TBL1XR1: variants seen among roughly 807,000 people sequenced by gnomAD.
TBL1XR1 encodes TBL1X/Y related 1, also known as F-box-like/WD repeat-containing protein TBL1XR1.
In TBL1XR1, 5 loss-of-function variants were observed where a neutral mutation model predicts 66.9. That is an observed-to-expected ratio of 0.07 (90% CI 0.04 to 0.16). The LOEUF is 0.16. TBL1XR1 is among the 10% of genes least tolerant of loss of function. The pLI is 1.00. For missense variants in TBL1XR1, 238 were observed against 623.2 expected, an observed-to-expected ratio of 0.38 and a Z score of 6.58; for synonymous variants, 210 against 206.0, an observed-to-expected ratio of 1.02 and a Z score of -0.17.
At chr3:177,047,451 C>G (rs759510648) in intron 8 of TBL1XR1, 35 bp downstream of exon 8, 1 of 1,608,336 alleles carries the variant, frequency 6.2e-7, no homozygotes, top group East Asian at 2.2e-5. Context: ...ATCTTTAGAT[C>G]AACAACAAAG....
At chr3:177,189,511 C>T (rs1021486593) in intron 1 of TBL1XR1, among the ~76,000 whole-genome samples, 2 of 151,788 alleles carry the variant, frequency 1.3e-5, no homozygotes, top group East Asian at 1.9e-4. Context: ...AAAAATTAGC[C>T]AGGCGTGGTG....
intron 1 of TBL1XR1, chr3:177,099,407 T>C (rs762476402): frequency 3.3e-5 from 5 of 152,246 alleles, no homozygotes; most frequent in South Asian, 2.1e-4. Context: ...TCACATACCA[T>C]GTCAGAGGAG....
intron 1 of TBL1XR1, among the ~76,000 whole-genome samples, chr3:177,108,429 C>T (rs1053044094): frequency 1.3e-5 from 2 of 152,156 alleles, no homozygotes; most frequent in African/African-American, 4.8e-5. Context: ...AAAAACTCAG[C>T]TCTTTCACAT....
intron 1 of TBL1XR1, among the ~76,000 whole-genome samples, chr3:177,173,938 T>C (rs2108938535): frequency 6.6e-6 from 1 of 152,328 alleles, no homozygotes; most frequent in East Asian, 1.9e-4. Flanking sequence ...TCAAAGAAAT[T>C]CTAATGACTT....
At chr3:177,193,480 T>A (rs1736428781) in intron 1 of TBL1XR1, among the ~76,000 whole-genome samples, 1 of 152,040 alleles carries the variant, frequency 6.6e-6, no homozygotes, top group Admixed American at 6.5e-5. Context: ...CCAGCTAATT[T>A]GTGTATTTTT....
intron 1 of TBL1XR1, among the ~76,000 whole-genome samples, chr3:177,161,495 C>A (rs183884289): frequency 6.6e-6 from 1 of 152,084 alleles, no homozygotes; most frequent in Non-Finnish European, 1.5e-5. Context: ...ATAAAAGGCA[C>A]TAATTGGCCA....
intron 1 of TBL1XR1, among the ~76,000 whole-genome samples, chr3:177,139,693 T>C (rs1484139334): frequency 6.7e-6 from 1 of 150,246 alleles, no homozygotes; most frequent in Non-Finnish European, 1.5e-5. Context: ...AAAAGAAAAT[T>C]TGACAATCTA....
intron 1 of TBL1XR1, among the ~76,000 whole-genome samples, chr3:177,104,129 A>AACAGAGAG: frequency 7.1e-6 from 1 of 141,240 alleles, no homozygotes; most frequent in Non-Finnish European, 1.5e-5. Context: ...AAAAAAAAAA[A>AACAGAGAG]AGAGAGAGAG....
chr3:177,131,315 C>G lies in TBL1XR1; in HGVS notation c.-121-32774G>C, dbSNP rs1384346126. ...ATCATAAAGACCCTTAAGAGAGAGT[C>G]CAGGAAAAATAAAGAAATAGCAAGA... On this transcript the variant is annotated intron_variant, in intron 1 of 15. Coordinates refer to ENST00000457928, the MANE Select transcript of TBL1XR1 (RefSeq NM_024665.7). 5.1e-6 allele frequency: 5 copies of G among 984,694 alleles called. No homozygotes were observed. The Admixed American group carries it at 1.8e-4, about 36-fold the overall frequency. 61.0% of individuals were successfully genotyped at this position (984,694 alleles called of 1,614,324 possible). A position where few individuals can be genotyped will look rare whatever the true frequency, so the allele number is the denominator to read the frequency against.
chr3:177,189,613 T>C (rs997576537), intron 1 of TBL1XR1, among the ~76,000 whole-genome samples: 1 of 134,832 alleles, frequency 7.4e-6, no homozygotes, highest in South Asian at 2.2e-4. Context: ...GGAGATCACA[T>C]CCAGCCAGTC....
intron 1 of TBL1XR1, among the ~76,000 whole-genome samples, chr3:177,187,820 T>C (rs996502151): frequency 1.2e-4 from 18 of 144,996 alleles, no homozygotes; most frequent in Admixed American, 8.4e-4. Context: ...ACCGAAGATA[T>C]CAAATAGACT....
chr3:177,123,630 A>G (rs543737098), intron 1 of TBL1XR1, among the ~76,000 whole-genome samples: 60 of 152,194 alleles, frequency 3.9e-4, no homozygotes, highest in Non-Finnish European at 8.0e-4. Flanking sequence ...ATTATAGCTA[A>G]AAGATTCTCA....
intron 1 of TBL1XR1, among the ~76,000 whole-genome samples, chr3:177,103,196 C>T (rs1209033): frequency 0.59 from 89,862 of 151,998 alleles, 26,721 homozygotes; most frequent in East Asian, 0.73. Context: ...ATACCAGTAA[C>T]TTTAACACCA....
upstream of TBL1XR1, among the ~76,000 whole-genome samples, chr3:177,198,639 A>G (rs935257173): frequency 3.9e-5 from 6 of 152,178 alleles, no homozygotes; most frequent in Non-Finnish European, 7.3e-5. Flanking sequence ...AGAGCTTTGT[A>G]TAAGCTCAGG....
intron 1 of TBL1XR1, among the ~76,000 whole-genome samples, chr3:177,187,319 C>T (rs1052576754): frequency 3.3e-5 from 5 of 150,012 alleles, no homozygotes; most frequent in Non-Finnish European, 5.9e-5. Context: ...CGCTTGAACC[C>T]GGGAGGCAGA....
chr3:177,143,850 G>A (rs567189768), intron 1 of TBL1XR1, among the ~76,000 whole-genome samples: 9 of 152,316 alleles, frequency 5.9e-5, no homozygotes, highest in South Asian at 4.1e-4. Flanking sequence ...AGAAAACAAC[G>A]CTTTGGGGAA....
At chr3:177,077,305 T>C (rs182977706) in intron 2 of TBL1XR1, among the ~76,000 whole-genome samples, 2 of 152,232 alleles carry the variant, frequency 1.3e-5, no homozygotes, top group East Asian at 3.9e-4. Flanking sequence ...TTTTTATAAA[T>C]ATAGAGCAGG....
chr3:177,115,031 A>G (rs1234066010), intron 1 of TBL1XR1, among the ~76,000 whole-genome samples: 13 of 152,034 alleles, frequency 8.6e-5, no homozygotes, highest in Non-Finnish European at 4.4e-5. Flanking sequence ...TTAAAGTATC[A>G]CTGTAAGGAG....
upstream of TBL1XR1, among the ~76,000 whole-genome samples, chr3:177,197,548 T>G (rs1369987620): frequency 7.0e-6 from 1 of 142,024 alleles, no homozygotes. Flanking sequence ...CAGGCACAAA[T>G]GAGCTCGCGA....
Sources: allele counts gnomAD v4.1 joint callset (sites outside exome capture counted in the v4.1 genomes callset), GRCh38; gene constraint gnomAD v4.1.1; transcripts MANE v1.5; gene names NCBI Gene and HGNC (gene_info 2026-07-23, HGNC 2026-07-21).